Variants in RREB1 observed in about 807,000 individuals in gnomAD.
RREB1 encodes the protein ras responsive element binding protein 1.
In RREB1, 27 loss-of-function variants were observed where a neutral mutation model predicts 117.8. That is an observed-to-expected ratio of 0.23 (90% CI 0.17 to 0.32). The LOEUF is 0.32. Among genes scored for constraint, RREB1 ranks in the 10% least tolerant of loss-of-function variants. The pLI is 1.00. For synonymous variants in RREB1, 1,298 were observed against 1,026.7 expected (o/e 1.26, Z -5.05); for missense variants, 2,577 against 2,378.2 (o/e 1.08, Z -1.74).
chr6:7,211,200 T>C (rs944803422), intron 7 of RREB1, among the ~76,000 whole-genome samples: 4 of 152,196 alleles, frequency 2.6e-5, no homozygotes, highest in Admixed American at 2.6e-4. Flanking sequence ...TACCTGTTTT[T>C]TCTAGCTAAA....
intron 2 of RREB1, among the ~76,000 whole-genome samples, chr6:7,180,309 C>T (rs921489563): frequency 2.6e-5 from 4 of 152,150 alleles, no homozygotes; most frequent in African/African-American, 4.8e-5. Context: ...TACCATTTCT[C>T]ATATGCTAGG....
chr6:7,236,287 C>T (rs1768310597), intron 10 of RREB1, among the ~76,000 whole-genome samples: 1 of 152,178 alleles, frequency 6.6e-6, no homozygotes, highest in East Asian at 1.9e-4. Flanking sequence ...TATGGGGTGT[C>T]CATTCCGGGC....
chr6:7,225,649 A>T (rs1767539688), intron 8 of RREB1, among the ~76,000 whole-genome samples: 1 of 152,186 alleles, frequency 6.6e-6, no homozygotes, highest in Non-Finnish European at 1.5e-5. Flanking sequence ...TCAGATTTTG[A>T]AGTGGACTGC....
intron 10 of RREB1, 88 bp downstream of exon 10, chr6:7,231,995 C>T: frequency 7.5e-7 from 1 of 1,324,568 alleles, no homozygotes; most frequent in Non-Finnish European, 1.0e-6. Context: ...GACCCATCTC[C>T]CACAGTTCCA....
chr6:7,181,310 A>G (rs1016157637), intron 3 of RREB1, 64 bp downstream of exon 3: 5 of 399,866 alleles, frequency 1.3e-5, no homozygotes, highest in East Asian at 3.6e-5. Context: ...TGCTTTATAC[A>G]TATTTTTTAA....
At chr6:7,108,797 G>A (rs1477474062) in intron 1 of RREB1, 1 of 151,586 alleles carries the variant, frequency 6.6e-6, no homozygotes, top group Non-Finnish European at 1.5e-5. Flanking sequence ...TGCGGACTTT[G>A]AACCTCCCGG....
intron 2 of RREB1, among the ~76,000 whole-genome samples, chr6:7,179,956 G>A (rs1057358827): frequency 1.3e-5 from 2 of 152,046 alleles, no homozygotes; most frequent in African/African-American, 2.4e-5. Context: ...CCGGTGTGAA[G>A]CACAATTCTT....
intron 1 of RREB1, among the ~76,000 whole-genome samples, chr6:7,143,386 C>G (rs990975179): frequency 6.6e-6 from 1 of 152,188 alleles, no homozygotes; most frequent in East Asian, 1.9e-4. Flanking sequence ...CGTTCACTCC[C>G]TTGGTCTGAG....
chr6:7,166,933 T>G (rs542832119), intron 1 of RREB1, among the ~76,000 whole-genome samples: 42 of 152,310 alleles, frequency 2.8e-4, no homozygotes, highest in African/African-American at 9.9e-4. Flanking sequence ...CTATGCAAAC[T>G]GCTACTGAAC....
chr6:7,244,947 C>G (rs190555646), intron 11 of RREB1, among the ~76,000 whole-genome samples: 2 of 152,192 alleles, frequency 1.3e-5, no homozygotes, highest in African/African-American at 4.8e-5. Flanking sequence ...CACCTGATCA[C>G]GTCAAGTGAG....
intron 10 of RREB1, among the ~76,000 whole-genome samples, chr6:7,238,246 T>C (rs1768467614): frequency 6.6e-6 from 1 of 152,238 alleles, no homozygotes; most frequent in Non-Finnish European, 1.5e-5. Flanking sequence ...TTTTTCATTT[T>C]ATTTTATTTT....
chr6:7,240,416 T>C (rs759762586), intron 10 of RREB1, 22 bp from the exon 11 acceptor site: 5 of 1,594,874 alleles, frequency 3.1e-6, no homozygotes, highest in South Asian at 1.1e-5. Context: ...CAGATAAATA[T>C]ATATTTTTTT....
chr6:7,204,857 C>A (rs887825740), intron 6 of RREB1, among the ~76,000 whole-genome samples: 8 of 152,292 alleles, frequency 5.3e-5, no homozygotes, highest in Middle Eastern at 6.8e-3. Flanking sequence ...ATGTCTGAGA[C>A]CTGCTCTGAG....
chr6:7,121,043 C>T (rs574832829), intron 1 of RREB1, among the ~76,000 whole-genome samples: 8 of 152,096 alleles, frequency 5.3e-5, no homozygotes, highest in East Asian at 1.9e-4. Context: ...AGGCTGGTCT[C>T]GAAGTCCCAA....
intron 1 of RREB1, among the ~76,000 whole-genome samples, chr6:7,153,123 T>G (rs1313057791): frequency 6.6e-6 from 1 of 151,664 alleles, no homozygotes; most frequent in East Asian, 1.9e-4. Flanking sequence ...TTTTTTTTTT[T>G]TTTGAGGAAA....
chr6:7,172,984 C>G (rs1311271220), intron 1 of RREB1, among the ~76,000 whole-genome samples: 1 of 152,182 alleles, frequency 6.6e-6, no homozygotes, highest in Non-Finnish European at 1.5e-5. Flanking sequence ...CCTCCTGGCT[C>G]AGACCATTTT....
chr6:7,147,682 TAGG>T (rs1176266552), intron 1 of RREB1, among the ~76,000 whole-genome samples: 2 of 152,190 alleles, frequency 1.3e-5, no homozygotes, highest in Admixed American at 1.3e-4. Flanking sequence ...CCTAATGCAG[TAGG>T]AGAACAAAGT....
At chr6:7,236,419 A>G (rs2113146456) in intron 10 of RREB1, among the ~76,000 whole-genome samples, 1 of 152,322 alleles carries the variant, frequency 6.6e-6, no homozygotes, top group East Asian at 1.9e-4. Context: ...AGCTTCGGTC[A>G]GTGAGTCATC....
intron 4 of RREB1, among the ~76,000 whole-genome samples, chr6:7,186,368 T>C (rs1765081823): frequency 6.6e-6 from 1 of 152,144 alleles, no homozygotes; most frequent in African/African-American, 2.4e-5. Context: ...GACAAACAGA[T>C]TTCTGGGGTT....
Sources: gnomAD v4.1 joint callset for allele counts (sites outside exome capture counted in the v4.1 genomes callset) on GRCh38, gnomAD v4.1.1 for gene constraint, MANE v1.5 for transcripts, NCBI Gene and HGNC (gene_info 2026-07-23, HGNC 2026-07-21) for gene names.